Variants in LRFN5 observed in about 807,000 individuals in gnomAD.
The protein encoded by LRFN5 is leucine-rich repeat and fibronectin type-III domain-containing protein 5.
In LRFN5, 24 loss-of-function variants were observed where a neutral mutation model predicts 45.6. The observed-to-expected ratio is 0.53, with a 90% CI of 0.38 to 0.74. The LOEUF is 0.74. Among genes scored for constraint, LRFN5 ranks in the 30% least tolerant of loss-of-function variants. The probability of loss-of-function intolerance (pLI) is 0.00; values close to 1 mark genes in which losing one functional copy is unlikely to be tolerated. For missense variants in LRFN5, 776 were observed against 861.5 expected, an observed-to-expected ratio of 0.90 and a Z score of 1.24; for synonymous variants, 340 against 313.8, an observed-to-expected ratio of 1.08 and a Z score of -0.88.
chr14:41,627,029 T>C (rs1322735645), intron 1 of LRFN5, among the ~76,000 whole-genome samples: 2 of 152,156 alleles, frequency 1.3e-5, no homozygotes, highest in African/African-American at 2.4e-5. Flanking sequence ...ATCTTTGCTC[T>C]GTACATTTTC....
intron 1 of LRFN5, among the ~76,000 whole-genome samples, chr14:41,748,969 G>C (rs1180094029): frequency 3.3e-5 from 5 of 151,858 alleles, no homozygotes; most frequent in African/African-American, 7.3e-5. Flanking sequence ...CATGGCACCA[G>C]CATCTGGCAA....
chr14:41,750,939 A>G (rs1364858132), intron 1 of LRFN5, among the ~76,000 whole-genome samples: 1 of 152,130 alleles, frequency 6.6e-6, no homozygotes, highest in African/African-American at 2.4e-5. Flanking sequence ...CATCATCTAC[A>G]TTAGGTATTT....
intron 1 of LRFN5, among the ~76,000 whole-genome samples, chr14:41,636,118 G>T (rs975513700): frequency 6.6e-5 from 10 of 152,152 alleles, no homozygotes; most frequent in African/African-American, 2.4e-4. Flanking sequence ...TCTCTGTTGA[G>T]AAATTATACT....
At chr14:41,863,565 A>C (rs1350780060) in intron 2 of LRFN5, among the ~76,000 whole-genome samples, 1 of 152,158 alleles carries the variant, frequency 6.6e-6, no homozygotes, top group Non-Finnish European at 1.5e-5. Context: ...TTTCTACACA[A>C]ATGCATATTT....
chr14:41,840,603 T>C (rs991044748), intron 2 of LRFN5, among the ~76,000 whole-genome samples: 1 of 152,068 alleles, frequency 6.6e-6, no homozygotes, highest in African/African-American at 2.4e-5. Flanking sequence ...CTCCTAGGCA[T>C]AAATATTTTC....
At chr14:41,628,243 A>G (rs1190112657) in intron 1 of LRFN5, among the ~76,000 whole-genome samples, 3 of 152,174 alleles carry the variant, frequency 2.0e-5, no homozygotes, top group African/African-American at 4.8e-5. Context: ...CTAAGCTGTC[A>G]GTGAAGTCAT....
At chr14:41,773,571 C>G (rs200974305) in intron 2 of LRFN5, among the ~76,000 whole-genome samples, 2 of 151,976 alleles carry the variant, frequency 1.3e-5, no homozygotes, top group African/African-American at 4.8e-5. Flanking sequence ...GTCTCTCTCT[C>G]TCTCTGTCTC....
At chr14:41,649,815 C>T (rs1320158211) in intron 1 of LRFN5, among the ~76,000 whole-genome samples, 1 of 152,062 alleles carries the variant, frequency 6.6e-6, no homozygotes, top group Non-Finnish European at 1.5e-5. Context: ...CTATAAATTC[C>T]TACTTGACCC....
intron 2 of LRFN5, among the ~76,000 whole-genome samples, chr14:41,874,711 A>G (rs1238827416): frequency 6.6e-6 from 1 of 152,200 alleles, no homozygotes; most frequent in Non-Finnish European, 1.5e-5. Flanking sequence ...CTAAATGAAT[A>G]TATTAGTCAA....
Position 41,811,358 on chromosome 14 carries a change from TGG to T in LRFN5, c.-21+44330_-21+44331del, listed in dbSNP as rs1297801371. ...TATTGAAGCTACTTTGGATAACAGT[TGG>T]TAGTTTCCCAAACTCTTAAATATAT... On this transcript the variant is annotated intron_variant, in intron 2 of 5. Transcript: ENST00000298119. Among the ~76,000 whole-genome samples the T allele has an allele frequency of 2.6e-5, 4 of 152,100 alleles. No homozygotes were observed. In the East Asian group the frequency reaches 7.7e-4, roughly 29 times the overall value.
At chr14:41,691,044 T>A (rs1882358484) in intron 1 of LRFN5, among the ~76,000 whole-genome samples, 1 of 152,070 alleles carries the variant, frequency 6.6e-6, no homozygotes, top group Non-Finnish European at 1.5e-5. Flanking sequence ...TTAATCAATT[T>A]TATGTCTGTT....
chr14:41,674,600 G>C (rs1484108080), intron 1 of LRFN5, among the ~76,000 whole-genome samples: 1 of 146,858 alleles, frequency 6.8e-6, no homozygotes, highest in African/African-American at 2.5e-5. Context: ...GCCGGGCAGG[G>C]GGCTGACCCC....
At chr14:41,700,697 T>G (rs1882808065) in intron 1 of LRFN5, 1 of 151,978 alleles carries the variant, frequency 6.6e-6, no homozygotes, top group African/African-American at 2.4e-5. Context: ...AGGGATATAA[T>G]CATAAAATCA....
intron 1 of LRFN5, among the ~76,000 whole-genome samples, chr14:41,704,444 C>CTGTGTGTGTGTGTGTGTGTGTGTG (rs1406046125): frequency 6.3e-5 from 8 of 127,940 alleles, no homozygotes; most frequent in African/African-American, 2.8e-4. Context: ...CTCTCTCTCT[C>CTGTGTGTGTGTGTGTGTGTGTGTG]TCTCTGTGTG....
intron 2 of LRFN5, among the ~76,000 whole-genome samples, chr14:41,829,828 A>G (rs941042007): frequency 1.3e-5 from 2 of 151,440 alleles, no homozygotes; most frequent in African/African-American, 4.8e-5. Flanking sequence ...ACATTTATAC[A>G]ACCTTTTTAT....
At chr14:41,737,712 C>A (rs1884502710) in intron 1 of LRFN5, among the ~76,000 whole-genome samples, 1 of 152,040 alleles carries the variant, frequency 6.6e-6, no homozygotes, top group Non-Finnish European at 1.5e-5. Flanking sequence ...CAATAATAGA[C>A]AAACAGCCAA....
At chr14:41,671,955 A>C (rs1881257600) in intron 1 of LRFN5, among the ~76,000 whole-genome samples, 2 of 152,146 alleles carry the variant, frequency 1.3e-5, no homozygotes, top group African/African-American at 4.8e-5. Context: ...CTTGATTCAA[A>C]ACCTATTTAC....
intron 1 of LRFN5, among the ~76,000 whole-genome samples, chr14:41,622,292 G>T (rs867521972): frequency 6.6e-6 from 1 of 151,778 alleles, no homozygotes; most frequent in South Asian, 2.1e-4. Context: ...TGTTATTTTA[G>T]GGAAACAAAT....
chr14:41,654,046 C>A (rs771780014), intron 1 of LRFN5, among the ~76,000 whole-genome samples: 3 of 151,166 alleles, frequency 2.0e-5, no homozygotes, highest in Admixed American at 2.0e-4. Flanking sequence ...CAGGGCCTGT[C>A]GTGGGGTTGG....
Sources: allele counts gnomAD v4.1 joint callset (sites outside exome capture counted in the v4.1 genomes callset), GRCh38; gene constraint gnomAD v4.1.1; transcripts MANE v1.5; gene names NCBI Gene and HGNC (gene_info 2026-07-23, HGNC 2026-07-21).